ATP8A1: variants seen among roughly 807,000 people sequenced by gnomAD.
ATP8A1 encodes phospholipid-transporting ATPase IA.
Under a neutral mutation model 177.7 loss-of-function variants are expected in ATP8A1, and 90 were observed. The observed-to-expected ratio is 0.51, with a 90% CI of 0.43 to 0.60. The LOEUF is 0.60. ATP8A1 is among the 20% of genes least tolerant of loss of function. ATP8A1 has a pLI of 0.00. For synonymous variants in ATP8A1, 493 were observed against 485.9 expected (o/e 1.01, Z -0.19); for missense variants, 1,072 against 1,392.8 (o/e 0.77, Z 3.67).
chr4:42,588,512 C>G (rs968963375), intron 7 of ATP8A1, 183 bp from the exon 8 acceptor site: 1 of 506,756 alleles, frequency 2.0e-6, no homozygotes, highest in Non-Finnish European at 3.5e-6. Context: ...CATGACAACT[C>G]ACGGATTAGC....
rs1006609293 is a variant in ATP8A1 at position 42,440,047 on chromosome 4, T to G, written c.3123+3518A>C. Among the ~76,000 whole-genome samples the G allele has an allele frequency of 3.3e-5, 5 of 152,312 alleles. No homozygotes were observed. In the East Asian group the frequency reaches 9.6e-4, roughly 29 times the overall value. On this transcript the variant is annotated intron_variant, in intron 33 of 36. Coordinates refer to ENST00000381668, the MANE Select transcript of ATP8A1 (RefSeq NM_006095.2). ...CATTTGGTGTGAGGATCATGTGAGT[T>G]ACCGACAAGCACTCTCTCCTGATGT...
chr4:42,470,617 T>C (rs1285748810), intron 25 of ATP8A1, among the ~76,000 whole-genome samples: 1 of 152,166 alleles, frequency 6.6e-6, no homozygotes, highest in Non-Finnish European at 1.5e-5. Context: ...ACTGATAATA[T>C]AATATGATCT....
intron 35 of ATP8A1, among the ~76,000 whole-genome samples, chr4:42,418,666 T>G (rs1713520481): frequency 6.6e-6 from 1 of 152,202 alleles, no homozygotes; most frequent in Non-Finnish European, 1.5e-5. Flanking sequence ...TAGGTTATTC[T>G]CTCATCATTG....
chr4:42,507,410 T>TA (rs1213723436), intron 22 of ATP8A1, among the ~76,000 whole-genome samples: 2 of 151,900 alleles, frequency 1.3e-5, no homozygotes, highest in Admixed American at 1.3e-4. Context: ...TAAATTTGCA[T>TA]AGAAGGGGAG....
chr4:42,518,245 A>G (rs1725761087), intron 22 of ATP8A1, among the ~76,000 whole-genome samples: 1 of 152,242 alleles, frequency 6.6e-6, no homozygotes, highest in Non-Finnish European at 1.5e-5. Flanking sequence ...ATTTTAGGAA[A>G]AACTTTACAA....
At chr4:42,577,902 C>T (rs945748275) in intron 12 of ATP8A1, among the ~76,000 whole-genome samples, 3 of 152,110 alleles carry the variant, frequency 2.0e-5, no homozygotes, top group Non-Finnish European at 2.9e-5. Context: ...GGCATATTAT[C>T]CCTATGATTG....
intron 22 of ATP8A1, among the ~76,000 whole-genome samples, 156 bp downstream of exon 22, chr4:42,522,004 A>G (rs1405010317): frequency 6.6e-6 from 1 of 152,224 alleles, no homozygotes; most frequent in Admixed American, 6.5e-5. Context: ...ATTTTAATGC[A>G]TATTAATACT....
At chr4:42,490,728 A>G (rs548077730) in intron 24 of ATP8A1, among the ~76,000 whole-genome samples, 1 of 152,196 alleles carries the variant, frequency 6.6e-6, no homozygotes, top group Admixed American at 6.5e-5. Flanking sequence ...AAAGGTCACA[A>G]TTTTCTTATT....
intron 25 of ATP8A1, among the ~76,000 whole-genome samples, chr4:42,468,294 A>G (rs1230786500): frequency 1.3e-5 from 2 of 152,258 alleles, no homozygotes; most frequent in African/African-American, 2.4e-5. Context: ...TTATAGCAGC[A>G]CAATTTGCAA....
At chr4:42,547,108 A>G (rs116487698) in intron 19 of ATP8A1, among the ~76,000 whole-genome samples, 70 of 152,294 alleles carry the variant, frequency 4.6e-4, no homozygotes, top group Non-Finnish European at 9.8e-4. Context: ...CTTGCCTGAT[A>G]GCTCTGCTTG....
intron 1 of ATP8A1, among the ~76,000 whole-genome samples, chr4:42,642,600 C>T (rs561992816): frequency 6.6e-6 from 1 of 152,282 alleles, no homozygotes; most frequent in African/African-American, 2.4e-5. Context: ...ATGACACCTA[C>T]ACATGTGTGA....
chr4:42,422,455 A>G (rs1381135188), intron 35 of ATP8A1, among the ~76,000 whole-genome samples: 1 of 152,210 alleles, frequency 6.6e-6, no homozygotes, highest in East Asian at 1.9e-4. Context: ...TTGCAGTTTA[A>G]TAATACAATA....
chr4:42,446,733 G>T, intron 30 of ATP8A1, 89 bp from the exon 31 acceptor site: 1 of 1,171,124 alleles, frequency 8.5e-7, no homozygotes, highest in Non-Finnish European at 1.3e-6. Context: ...AACGAAGGAA[G>T]GGAAATCAAG....
At chr4:42,503,731 A>G (rs1451574112) in intron 23 of ATP8A1, among the ~76,000 whole-genome samples, 1 of 152,208 alleles carries the variant, frequency 6.6e-6, no homozygotes, top group Non-Finnish European at 1.5e-5. Context: ...TAAGGCTACA[A>G]AGACATCTGG....
chr4:42,654,416 G>T (rs778112505), intron 1 of ATP8A1, among the ~76,000 whole-genome samples: 4 of 152,254 alleles, frequency 2.6e-5, no homozygotes, highest in Admixed American at 2.0e-4. Flanking sequence ...CATTTCAAGG[G>T]GGGGAAAAGA....
At chr4:42,429,467 G>T (rs758911648) in intron 33 of ATP8A1, among the ~76,000 whole-genome samples, 25 of 151,270 alleles carry the variant, frequency 1.7e-4, no homozygotes, top group Admixed American at 2.7e-4. Flanking sequence ...CATTAACAAA[G>T]ATTTTAATTA....
At chr4:42,557,129 A>G (rs1730319321) in intron 15 of ATP8A1, among the ~76,000 whole-genome samples, 1 of 152,238 alleles carries the variant, frequency 6.6e-6, no homozygotes, top group Non-Finnish European at 1.5e-5. Flanking sequence ...AATGGAACAC[A>G]TATCTACATG....
intron 33 of ATP8A1, among the ~76,000 whole-genome samples, chr4:42,433,343 C>T (rs1480088096): frequency 6.6e-6 from 1 of 152,184 alleles, no homozygotes; most frequent in Non-Finnish European, 1.5e-5. Flanking sequence ...TCCTAATTGT[C>T]TGTGGGACTA....
chr4:42,558,842 A>G (rs1442103927), intron 15 of ATP8A1, among the ~76,000 whole-genome samples: 5 of 152,246 alleles, frequency 3.3e-5, no homozygotes, highest in African/African-American at 1.2e-4. Context: ...TAATATATAA[A>G]TCTGACTACA....
Sources: allele counts gnomAD v4.1 joint callset (sites outside exome capture counted in the v4.1 genomes callset), GRCh38; gene constraint gnomAD v4.1.1; transcripts MANE v1.5; gene names NCBI Gene and HGNC (gene_info 2026-07-23, HGNC 2026-07-21).